The following ARHGAP39 variants were observed in gnomAD, a reference collection of about 807,000 sequenced individuals.
The protein encoded by ARHGAP39 is rho GTPase-activating protein 39.
ARHGAP39 carries 44 observed loss-of-function variants against 106.9 expected under a neutral mutation model. The observed-to-expected ratio is 0.41, with a 90% CI of 0.32 to 0.53. ARHGAP39 has a LOEUF of 0.53. ARHGAP39 is among the 20% of genes least tolerant of loss of function. ARHGAP39 has a pLI of 0.21. For missense variants in ARHGAP39, 1,496 were observed against 1,577.3 expected, an observed-to-expected ratio of 0.95 and a Z score of 0.87; for synonymous variants, 768 against 693.2, an observed-to-expected ratio of 1.11 and a Z score of -1.69.
rs1411195522 is a variant in ARHGAP39 at position 144,548,231 on chromosome 8, G to A, written c.855C>T (p.Ser285=). Residue 285 remains serine (S), a synonymous_variant, in exon 5 of 12, where the codon AGC becomes AGT. Coordinates refer to ENST00000377307, the MANE Select transcript of ARHGAP39 (RefSeq NM_025251.3). This position sits in a 1 kb window ranked among gnomAD's most constrained non-coding sequence, Gnocchi z 7.4. ...FLKRAELPGS[S]SPLLAQPRKP... ...TTCGGGGCTGGGCCAGCAGCGGGGAGCTGCTCCCTGGGAGCTCGGCCCTCT... is the reference window on the plus strand; with the variant it reads ...TTCGGGGCTGGGCCAGCAGCGGGGAACTGCTCCCTGGGAGCTCGGCCCTCT... 3 of 1,607,668 alleles carry A rather than the reference G, an allele frequency of 1.9e-6. No homozygotes were observed. The African/African-American group carries it at 4.0e-5, about 21-fold the overall frequency.
intron 2 of ARHGAP39, among the ~76,000 whole-genome samples, chr8:144,602,649 T>C (rs1820072231): frequency 1.5e-5 from 2 of 130,808 alleles, no homozygotes; most frequent in African/African-American, 5.6e-5. Flanking sequence ...TGTGCTCGTG[T>C]ACCTGTGTGC....
At chr8:144,542,708 G>T (rs1022731794) in intron 6 of ARHGAP39, among the ~76,000 whole-genome samples, 11 of 143,910 alleles carry the variant, frequency 7.6e-5, no homozygotes, top group African/African-American at 2.8e-4. Flanking sequence ...GGAAACTCAG[G>T]TGGGTGGATC....
At chr8:144,574,877 A>G (rs924796879) in intron 3 of ARHGAP39, among the ~76,000 whole-genome samples, 11 of 152,134 alleles carry the variant, frequency 7.2e-5, no homozygotes, top group Admixed American at 7.2e-4. Context: ...AATAACACAG[A>G]TGTGTTCTGA....
intron 1 of ARHGAP39, among the ~76,000 whole-genome samples, chr8:144,656,972 T>C (rs1052499320): frequency 6.6e-6 from 1 of 152,128 alleles, no homozygotes; most frequent in Non-Finnish European, 1.5e-5. Context: ...AATAGATAAC[T>C]TGATAGCCAA....
rs575300831 is a variant in ARHGAP39, at chr8:144,591,496, T to C, written c.81-10219A>G. On this transcript the variant is annotated intron_variant, in intron 2 of 11. Coordinates refer to ENST00000377307, the MANE Select transcript of ARHGAP39 (RefSeq NM_025251.3). This position sits in a 1 kb window ranked among gnomAD's most constrained non-coding sequence, Gnocchi z 5.3. ...TGAACGGACCCTGAAGAAGGACTTGTTTGCATCCCCTTCCACCATGATTGT... is the reference window on the plus strand; with the variant it reads ...TGAACGGACCCTGAAGAAGGACTTGCTTGCATCCCCTTCCACCATGATTGT... Among the ~76,000 whole-genome samples the C allele has an allele frequency of 6.6e-6, 1 of 152,244 alleles. No homozygotes were observed. Among genetic ancestry groups the C allele is most frequent in the African/African-American group, 2.4e-5 (1 of 41,542 alleles).
chr8:144,532,663 C>A (rs1281448564), intron 9 of ARHGAP39, among the ~76,000 whole-genome samples: 4 of 152,196 alleles, frequency 2.6e-5, no homozygotes, highest in Admixed American at 2.6e-4. Flanking sequence ...TGGGTGGATG[C>A]CCTCACCAAA....
chr8:144,575,195 G>A (rs954008023), intron 3 of ARHGAP39, among the ~76,000 whole-genome samples: 5 of 152,154 alleles, frequency 3.3e-5, no homozygotes, highest in East Asian at 1.9e-4. Flanking sequence ...GTTGCCGTGC[G>A]TGTCGGTGAG....
chr8:144,631,104 G>A (rs1821049663), intron 1 of ARHGAP39, among the ~76,000 whole-genome samples: 1 of 152,186 alleles, frequency 6.6e-6, no homozygotes, highest in Non-Finnish European at 1.5e-5. Flanking sequence ...ACGTTTAAAT[G>A]ACCAGATCCA....
chr8:144,655,388 C>A (rs925461126), intron 1 of ARHGAP39, among the ~76,000 whole-genome samples: 2 of 152,138 alleles, frequency 1.3e-5, no homozygotes, highest in African/African-American at 4.8e-5. Flanking sequence ...GCTTCAGAGA[C>A]CTGCAGAGAC....
In ARHGAP39 at chr8:144,644,574, C is replaced by A. The variant is rs1437175469; in HGVS notation, c.-81-38879G>T. On this transcript the variant is annotated intron_variant, in intron 1 of 11. Coordinates refer to ENST00000377307, the MANE Select transcript of ARHGAP39 (RefSeq NM_025251.3). This position sits in a 1 kb window ranked among gnomAD's most constrained non-coding sequence, Gnocchi z 4.8. ...CATAATTGAAACACTGCCAAATGCA[C>A]GCCGGCTCGTGGCGGCACCCCTTCC... is the stretch of plus-strand genomic sequence containing the variant. 6.6e-6 allele frequency among the ~76,000 whole-genome samples: 1 copy of A among 152,212 alleles called. No individual in the cohort carries two copies. Among genetic ancestry groups the A allele is most frequent in the South Asian group, 2.1e-4 (1 of 4,830 alleles).
intron 1 of ARHGAP39, among the ~76,000 whole-genome samples, chr8:144,675,012 T>A (rs1328775154): frequency 6.6e-6 from 1 of 151,642 alleles, no homozygotes; most frequent in Admixed American, 6.6e-5. Context: ...GATGTCTGGG[T>A]CCATAGCCAC....
Position 144,604,108 on chromosome 8 carries a change from G to A in ARHGAP39, c.80+1427C>T, listed in dbSNP as rs560487486. Among the ~76,000 whole-genome samples the A allele has an allele frequency of 3.3e-5, 5 of 152,336 alleles. No individual in the cohort carries two copies. In the East Asian group the frequency reaches 9.6e-4, roughly 29 times the overall value. ...AGTGCGGATCGCAACTGTGGAAGGTGCACAGAGTCCCAGAAAGACCAACCA... is the reference window on the plus strand; with the variant it reads ...AGTGCGGATCGCAACTGTGGAAGGTACACAGAGTCCCAGAAAGACCAACCA... On this transcript the variant is annotated intron_variant, in intron 2 of 11. Coordinates refer to ENST00000377307, the MANE Select transcript of ARHGAP39 (RefSeq NM_025251.3). The surrounding 1 kb of genome is among the most constrained non-coding windows in gnomAD (Gnocchi z 4.1).
At chr8:144,688,103 C>G (rs1176571691), upstream of ARHGAP39, among the ~76,000 whole-genome samples, 1 of 148,600 alleles carries the variant, frequency 6.7e-6, no homozygotes, top group Non-Finnish European at 1.5e-5. Flanking sequence ...GGACATTTAA[C>G]TCTTTTTTTT....
chr8:144,698,595 T>C, the ARHGAP39 span: 1 of 280,168 alleles, frequency 3.6e-6, no homozygotes, highest in Non-Finnish European at 6.9e-6. Flanking sequence ...TTTAATCACC[T>C]CTCTAATCTG....
At position 144,644,310 on chromosome 8, in the gene ARHGAP39, C is replaced by T. The variant is rs1821387972; in HGVS notation, c.-81-38615G>A. ...TTAAAAAACAAAAGAAAGCAGGCAA[C>T]AAAGTCAGACACAAAAGATGACATA... On this transcript the variant is annotated intron_variant, in intron 1 of 11. Transcript: ENST00000377307. The surrounding 1 kb of genome is among the most constrained non-coding windows in gnomAD (Gnocchi z 4.8). 6.6e-6 allele frequency among the ~76,000 whole-genome samples: 1 copy of T among 152,110 alleles called. No homozygotes were observed. The highest frequency in any genetic ancestry group is 2.1e-4 in the South Asian group (1 of 4,828).
chr8:144,687,571 AGCAGTTCCCACCCCGTGACCACACACTG>A (rs1822643696), upstream of ARHGAP39, among the ~76,000 whole-genome samples: 1 of 31,958 alleles, frequency 3.1e-5, no homozygotes, highest in African/African-American at 1.9e-4. Context: ...ACTGGCGGTG[AGCAGTTCCCACCCCGTGACCACACACTG>A]GCGGTGAGCA....
chr8:144,579,022 G>GA (rs1790498610), intron 3 of ARHGAP39, among the ~76,000 whole-genome samples: 1 of 151,552 alleles, frequency 6.6e-6, no homozygotes, highest in African/African-American at 2.4e-5. Flanking sequence ...CTAACATGGT[G>GA]AAACCCTGTT....
chr8:144,585,900 G>A lies in ARHGAP39; in HGVS notation c.81-4623C>T, dbSNP rs574127283. On this transcript the variant is annotated intron_variant, in intron 2 of 11. Transcript: ENST00000377307. This position sits in a 1 kb window ranked among gnomAD's most constrained non-coding sequence, Gnocchi z 4.6. ...CTTCCCCCTGGAGCCGGCTCTCCCC[G>A]AGGGACAGATGGGGCATCCCTGCAC... 5.3e-5 allele frequency among the ~76,000 whole-genome samples: 8 copies of A among 152,302 alleles called. No homozygotes were observed. The highest frequency in any genetic ancestry group is 1.9e-4 in the East Asian group (1 of 5,176).
At chr8:144,689,601 T>C (rs924577720), upstream of ARHGAP39, among the ~76,000 whole-genome samples, 2 of 150,556 alleles carry the variant, frequency 1.3e-5, no homozygotes, top group African/African-American at 2.4e-5. Context: ...CACACCCGGC[T>C]AATTTTTGTA....
Sources: allele counts gnomAD v4.1 joint callset (sites outside exome capture counted in the v4.1 genomes callset), GRCh38; gene constraint gnomAD v4.1.1; non-coding constraint Gnocchi (gnomAD v3.1); transcripts MANE v1.5; gene names NCBI Gene and HGNC (gene_info 2026-07-23, HGNC 2026-07-21).